Variants in RBFOX1 observed in about 807,000 individuals in gnomAD.
The protein encoded by RBFOX1 is RNA binding fox-1 homolog 1.
RBFOX1 carries 8 observed loss-of-function variants against 57.7 expected under a neutral mutation model. That is an observed-to-expected ratio of 0.14 (90% CI 0.08 to 0.25). The LOEUF (loss-of-function observed/expected upper bound fraction) is 0.25. Among genes scored for constraint, RBFOX1 ranks in the 10% least tolerant of loss-of-function variants. The pLI, the probability that RBFOX1 is intolerant of heterozygous loss-of-function variation, is 1.00. For synonymous variants in RBFOX1, 326 were observed against 222.4 expected, an observed-to-expected ratio of 1.47 and a Z score of -4.15; for missense variants, 611 against 548.5, an observed-to-expected ratio of 1.11 and a Z score of -1.14.
intron 3 of RBFOX1, among the ~76,000 whole-genome samples, chr16:5,622,391 C>G (rs369056339): frequency 2.0e-5 from 3 of 152,186 alleles, no homozygotes; most frequent in African/African-American, 7.2e-5. Context: ...GGTAAGGAGT[C>G]TTGTGCACTG....
intron 3 of RBFOX1, among the ~76,000 whole-genome samples, chr16:5,820,732 C>T (rs1483570077): frequency 8.5e-5 from 13 of 152,184 alleles, no homozygotes; most frequent in Admixed American, 7.9e-4. Context: ...TGAGTGACAC[C>T]GTTCCCCCGT....
At chr16:6,070,086 TA>T (rs1195567980) in intron 1 of RBFOX1, among the ~76,000 whole-genome samples, 2 of 152,218 alleles carry the variant, frequency 1.3e-5, no homozygotes, top group Non-Finnish European at 2.9e-5. Context: ...TGTTTTTCTT[TA>T]AATTCTATTG....
chr16:6,849,623 T>G (rs980783172), intron 3 of RBFOX1, among the ~76,000 whole-genome samples: 3 of 152,172 alleles, frequency 2.0e-5, no homozygotes, highest in African/African-American at 7.2e-5. Flanking sequence ...GAGCTGAGAT[T>G]GTACCACTGT....
intron 2 of RBFOX1, among the ~76,000 whole-genome samples, chr16:6,629,830 G>T (rs942752806): frequency 6.6e-6 from 1 of 151,972 alleles, no homozygotes; most frequent in East Asian, 1.9e-4. Context: ...TTAATCAGAC[G>T]TTTTATTTTT....
intron 8 of RBFOX1, 110 bp downstream of exon 8, chr16:7,595,751 T>A: frequency 1.9e-6 from 1 of 517,144 alleles, no homozygotes; most frequent in Non-Finnish European, 2.9e-6. Context: ...CTATTCCCCC[T>A]CATTGTTTAT....
chr16:5,918,030 C>T (rs908092716), intron 4 of RBFOX1, among the ~76,000 whole-genome samples: 1 of 152,172 alleles, frequency 6.6e-6, no homozygotes, highest in African/African-American at 2.4e-5. Flanking sequence ...TCTAAGAAAG[C>T]CCTCCTTTCA....
intron 1 of RBFOX1, among the ~76,000 whole-genome samples, chr16:5,425,979 G>C (rs1005892355): frequency 1.3e-5 from 2 of 152,186 alleles, no homozygotes; most frequent in Admixed American, 6.5e-5. Flanking sequence ...GAAGGAGAGA[G>C]TGTGCAGGGA....
At chr16:6,457,437 G>GCCCCCCCCC (rs1240682051) in intron 2 of RBFOX1, among the ~76,000 whole-genome samples, 1 of 36,264 alleles carries the variant, frequency 2.8e-5, no homozygotes, top group East Asian at 1.8e-3. Context: ...ATTTCCGGAA[G>GCCCCCCCCC]TCCCCCCCCC....
chr16:6,610,516 G>C (rs186965392), intron 2 of RBFOX1, among the ~76,000 whole-genome samples: 266 of 152,182 alleles, frequency 1.7e-3, no homozygotes, highest in Middle Eastern at 3.4e-3. Context: ...TTTTTGTAGA[G>C]ATGAGGACTC....
chr16:7,578,337 G>T (rs1318116247), intron 5 of RBFOX1, among the ~76,000 whole-genome samples: 5 of 152,150 alleles, frequency 3.3e-5, no homozygotes, highest in Admixed American at 3.3e-4. Context: ...CTAAATACAT[G>T]ACTTGCACTT....
intron 3 of RBFOX1, among the ~76,000 whole-genome samples, chr16:6,853,480 A>G (rs1209028207): frequency 6.6e-6 from 1 of 152,106 alleles, no homozygotes; most frequent in African/African-American, 2.4e-5. Flanking sequence ...GATGGTGCCT[A>G]CAGTGTGGTG....
chr16:5,738,388 T>A (rs1382797617), intron 3 of RBFOX1, among the ~76,000 whole-genome samples: 1 of 151,648 alleles, frequency 6.6e-6, no homozygotes. Context: ...TCCCAACAGT[T>A]TGGGAGGCCA....
intron 6 of RBFOX1, among the ~76,000 whole-genome samples, chr16:7,584,132 C>T (rs888857214): frequency 6.6e-6 from 1 of 152,252 alleles, no homozygotes; most frequent in South Asian, 2.1e-4. Flanking sequence ...TTTCTTTGGC[C>T]TTCACGCACA....
intron 1 of RBFOX1, among the ~76,000 whole-genome samples, chr16:6,281,530 A>G (rs1833674388): frequency 6.6e-6 from 1 of 152,038 alleles, no homozygotes; most frequent in Non-Finnish European, 1.5e-5. Context: ...TTGTTCTGGA[A>G]TTCATTGCAG....
chr16:7,208,604 G>C (rs1429002266), intron 4 of RBFOX1, among the ~76,000 whole-genome samples: 1 of 152,146 alleles, frequency 6.6e-6, no homozygotes, highest in Non-Finnish European at 1.5e-5. Flanking sequence ...GGGAGGCTGT[G>C]GTGGGAAGTT....
At chr16:7,097,858 A>T (rs2061967363) in intron 4 of RBFOX1, among the ~76,000 whole-genome samples, 1 of 152,174 alleles carries the variant, frequency 6.6e-6, no homozygotes, top group Non-Finnish European at 1.5e-5. Flanking sequence ...AGTTAGGGAG[A>T]AGGGGTTGGG....
intron 3 of RBFOX1, among the ~76,000 whole-genome samples, chr16:6,710,405 A>G (rs2063512165): frequency 6.6e-6 from 1 of 152,228 alleles, no homozygotes; most frequent in African/African-American, 2.4e-5. Flanking sequence ...TCAGCGTGTG[A>G]TCAATATAAA....
At chr16:6,437,608 C>T (rs560569710) in intron 2 of RBFOX1, among the ~76,000 whole-genome samples, 1 of 152,130 alleles carries the variant, frequency 6.6e-6, no homozygotes, top group Admixed American at 6.5e-5. Context: ...CTACCTGAGA[C>T]TGTGTAATTT....
chr16:7,251,370 A>G (rs2094493110), intron 4 of RBFOX1, among the ~76,000 whole-genome samples: 3 of 149,866 alleles, frequency 2.0e-5, no homozygotes, highest in South Asian at 2.1e-4. Context: ...GGGCTGAATG[A>G]CATTCCATTG....
Sources: gnomAD v4.1 joint callset for allele counts (sites outside exome capture counted in the v4.1 genomes callset) on GRCh38, gnomAD v4.1.1 for gene constraint, MANE v1.5 for transcripts, NCBI Gene and HGNC (gene_info 2026-07-23, HGNC 2026-07-21) for gene names.